The following ZC4H2 variants were observed in gnomAD, a reference collection of about 807,000 sequenced individuals.
The protein encoded by ZC4H2 is zinc finger C4H2-type containing, also known as zinc finger C4H2 domain-containing protein.
For missense variants in ZC4H2, 137 were observed against 173.9 expected (o/e 0.79, Z 1.19); for synonymous variants, 84 against 66.3 (o/e 1.27, Z -1.30).
At chrX:65,019,855 G>A (rs1490318396) in intron 1 of ZC4H2, among the ~76,000 whole-genome samples, 3 of 112,175 alleles carry the variant, frequency 2.7e-5, no homozygotes, top group African/African-American at 9.7e-5. Flanking sequence ...ATCCGATGGA[G>A]ATGAAAAACA....
At chrX:64,962,906 A>C (rs778050740) in intron 1 of ZC4H2, among the ~76,000 whole-genome samples, 1 of 111,573 alleles carries the variant, frequency 9.0e-6, no homozygotes, top group Non-Finnish European at 1.9e-5. Flanking sequence ...GGATTGGAAG[A>C]CTTAACCATA....
chrX:65,024,831 G>A (rs762602440), intron 1 of ZC4H2, among the ~76,000 whole-genome samples: 8 of 111,579 alleles, frequency 7.2e-5, no homozygotes, highest in African/African-American at 2.6e-4. Context: ...GTAAGTTGCC[G>A]CTAAACATTG....
intron 1 of ZC4H2, among the ~76,000 whole-genome samples, chrX:64,945,921 C>T (rs938058947): frequency 9.0e-6 from 1 of 110,851 alleles, no homozygotes; most frequent in African/African-American, 3.3e-5. Context: ...ATGGTGGAAG[C>T]CCCTCCCCCC....
At chrX:65,020,654 T>C (rs1932829736) in intron 1 of ZC4H2, among the ~76,000 whole-genome samples, 1 of 111,423 alleles carries the variant, frequency 9.0e-6, no homozygotes, top group Non-Finnish European at 1.9e-5. Context: ...GCAGCTACCA[T>C]AATGACAGGA....
chrX:65,001,621 A>G (rs905535258), intron 1 of ZC4H2, among the ~76,000 whole-genome samples: 6 of 112,103 alleles, frequency 5.4e-5, no homozygotes, highest in African/African-American at 1.9e-4. Context: ...AACGGGTTAA[A>G]TGCCCCAATT....
intron 1 of ZC4H2, among the ~76,000 whole-genome samples, chrX:64,972,966 A>C (rs746268074): frequency 8.9e-6 from 1 of 112,050 alleles, no homozygotes; most frequent in Non-Finnish European, 1.9e-5. Context: ...AGTTTAATTT[A>C]AGTCACTTTT....
chrX:64,993,594 C>T (rs751854438), intron 1 of ZC4H2, among the ~76,000 whole-genome samples: 1 of 111,378 alleles, frequency 9.0e-6, no homozygotes, highest in East Asian at 2.8e-4. Flanking sequence ...GCTAGTGCCT[C>T]GATCTTGGAT....
intron 1 of ZC4H2, among the ~76,000 whole-genome samples, chrX:65,015,054 C>G (rs1392825648): frequency 9.0e-6 from 1 of 111,689 alleles, no homozygotes; most frequent in Non-Finnish European, 1.9e-5. Context: ...TGGTTTCCCT[C>G]TGCCACACAG....
intron 1 of ZC4H2, among the ~76,000 whole-genome samples, chrX:64,933,263 C>A (rs1238846566): frequency 9.0e-6 from 1 of 111,063 alleles, no homozygotes; most frequent in Non-Finnish European, 1.9e-5. Context: ...TTAATTATAT[C>A]CTGATTTTTT....
At chrX:65,011,809 G>A (rs1230933020) in intron 1 of ZC4H2, among the ~76,000 whole-genome samples, 1 of 109,195 alleles carries the variant, frequency 9.2e-6, no homozygotes, top group Non-Finnish European at 1.9e-5. Flanking sequence ...TCCGCCTCCT[G>A]GGTTCAAGCG....
chrX:64,997,142 T>C (rs1453403421), intron 1 of ZC4H2, among the ~76,000 whole-genome samples: 1 of 111,926 alleles, frequency 8.9e-6, no homozygotes, highest in Non-Finnish European at 1.9e-5. Context: ...CTCAATAAAA[T>C]TAACAGCTGA....
chrX:65,010,878 A>ATAGT (rs1932749261), intron 1 of ZC4H2, among the ~76,000 whole-genome samples: 1 of 112,183 alleles, frequency 8.9e-6, no homozygotes, highest in Non-Finnish European at 1.9e-5. Flanking sequence ...ATTTATTTTC[A>ATAGT]TAGTTACTAT....
At chrX:64,976,554 G>T (rs749845923), upstream of ZC4H2, 863 of 465,337 alleles carry the variant, frequency 1.9e-3, 1 homozygote, top group Non-Finnish European at 2.8e-3. Context: ...AAGCCCGGGG[G>T]CCTGTAGGAC....
chrX:64,950,881 T>G (rs1430046553), intron 1 of ZC4H2, among the ~76,000 whole-genome samples: 1 of 110,051 alleles, frequency 9.1e-6, no homozygotes, highest in African/African-American at 3.3e-5. Flanking sequence ...ATGTATACAT[T>G]TGCCATGCTG....
At chrX:64,994,056 C>T (rs1410337447) in intron 1 of ZC4H2, among the ~76,000 whole-genome samples, 1 of 111,887 alleles carries the variant, frequency 8.9e-6, no homozygotes, top group Non-Finnish European at 1.9e-5. Flanking sequence ...GTTTGTGTCT[C>T]CACTTAAAAA....
At chrX:65,019,095 C>T (rs1932816790) in intron 1 of ZC4H2, among the ~76,000 whole-genome samples, 1 of 111,784 alleles carries the variant, frequency 8.9e-6, no homozygotes. Context: ...TGAGGGACAG[C>T]TGTGGGCGCA....
At chrX:64,968,094 C>T (rs1054380924) in intron 1 of ZC4H2, among the ~76,000 whole-genome samples, 4 of 112,059 alleles carry the variant, frequency 3.6e-5, no homozygotes, top group African/African-American at 9.7e-5. Flanking sequence ...TGAAAGCAAC[C>T]GTCTGTTAAG....
chrX:64,985,687 A>G (rs1408231506), intron 1 of ZC4H2, among the ~76,000 whole-genome samples: 1 of 111,604 alleles, frequency 9.0e-6, no homozygotes, highest in Non-Finnish European at 1.9e-5. Context: ...AAGAAACTCT[A>G]CCAGGGAGAA....
At chrX:64,957,225 C>A (rs1931193045) in intron 1 of ZC4H2, among the ~76,000 whole-genome samples, 1 of 112,077 alleles carries the variant, frequency 8.9e-6, no homozygotes, top group South Asian at 3.7e-4. Context: ...GTAACCAATC[C>A]AGTTGTTTCT....
Sources: gnomAD v4.1 joint callset for allele counts (sites outside exome capture counted in the v4.1 genomes callset) on GRCh38, gnomAD v4.1.1 for gene constraint, MANE v1.5 for transcripts, NCBI Gene and HGNC (gene_info 2026-07-23, HGNC 2026-07-21) for gene names.